Variants in CEP85L observed in about 807,000 individuals in gnomAD.
CEP85L encodes centrosomal protein of 85 kDa-like.
A neutral mutation model predicts 100.3 loss-of-function variants in CEP85L; 60 were observed. The ratio of observed to expected loss-of-function variants is 0.60; its 90% CI spans 0.49 to 0.74. CEP85L has a LOEUF of 0.74. Ranked by LOEUF, CEP85L falls within the 30% of genes least tolerant of loss-of-function variation. The probability of loss-of-function intolerance (pLI) is 0.00; values close to 1 mark genes in which losing one functional copy is unlikely to be tolerated. For missense variants in CEP85L, 973 were observed against 936.2 expected, an observed-to-expected ratio of 1.04 and a Z score of -0.51; for synonymous variants, 319 against 322.7, an observed-to-expected ratio of 0.99 and a Z score of 0.12.
intron 1 of CEP85L, among the ~76,000 whole-genome samples, chr6:118,699,768 C>T (rs1777350631): frequency 6.6e-6 from 1 of 152,130 alleles, no homozygotes; most frequent in Non-Finnish European, 1.5e-5. Flanking sequence ...GATCTCGGCC[C>T]AGTGCAACCT....
chr6:118,566,620 T>A (rs973844300), intron 2 of CEP85L, among the ~76,000 whole-genome samples: 2 of 152,282 alleles, frequency 1.3e-5, no homozygotes, highest in African/African-American at 2.4e-5. Context: ...GGCTTTGCCA[T>A]GTTGGGCAGG....
intron 2 of CEP85L, among the ~76,000 whole-genome samples, chr6:118,568,592 A>C (rs911036427): frequency 5.9e-5 from 9 of 152,368 alleles, no homozygotes; most frequent in African/African-American, 2.2e-4. Flanking sequence ...GCCTTCATTC[A>C]GCATGAAATG....
Position 118,461,764 on chromosome 6 carries a change from T to C in CEP85L, c.*3641A>G, listed in dbSNP as rs1250791474. 1 of 152,048 alleles carries C rather than the reference T, an allele frequency of 6.6e-6. No individual in the cohort carries two copies. Among genetic ancestry groups the C allele is most frequent in the Non-Finnish European group, 1.5e-5 (1 of 67,942 alleles). The allele number at this position is 152,048 out of a possible 1,614,324, so 9.4% of individuals were successfully genotyped here. A position where few individuals can be genotyped will look rare whatever the true frequency, so the allele number is the denominator to read the frequency against. Reference sequence around the variant, plus strand: ...GTTCCTGTTGTTTTGTGAACATGAATTGTCAAAAATGGAAACATGGCAGTT... The same window carrying C: ...GTTCCTGTTGTTTTGTGAACATGAACTGTCAAAAATGGAAACATGGCAGTT... On this transcript the variant is annotated 3_prime_UTR_variant, in exon 13 of 13. Transcript: ENST00000368491.
At chr6:118,705,756 G>A (rs113775547) in intron 1 of CEP85L, among the ~76,000 whole-genome samples, 2 of 152,210 alleles carry the variant, frequency 1.3e-5, no homozygotes, top group African/African-American at 4.8e-5. Context: ...GGGATTCCAA[G>A]TCTTCTGGCA....
intron 2 of CEP85L, among the ~76,000 whole-genome samples, chr6:118,626,760 C>T (rs1050399705): frequency 1.4e-4 from 22 of 152,188 alleles, no homozygotes; most frequent in African/African-American, 5.1e-4. Flanking sequence ...AGCCTCCACA[C>T]CAATTCTTTG....
At position 118,463,263 on chromosome 6, in the gene CEP85L, T is replaced by TA. The variant is rs1346926736; in HGVS notation, c.*2141dup. 1 of 151,438 alleles carries TA rather than the reference T, an allele frequency of 6.6e-6. No individual in the cohort carries two copies. The highest frequency in any genetic ancestry group is 2.4e-5 in the African/African-American group (1 of 41,168). 9.4% of individuals were successfully genotyped at this position (151,438 alleles called of 1,614,324 possible). A position where few individuals can be genotyped will look rare whatever the true frequency, so the allele number is the denominator to read the frequency against. On this transcript the variant is annotated 3_prime_UTR_variant, in exon 13 of 13. Coordinates refer to ENST00000368491, the MANE Select transcript of CEP85L (RefSeq NM_001042475.3). ...TAACGTCTGCTTAAAAAAAAAAAAATAAATAAACCCATAAAATCCCAAAAC... is the reference window on the plus strand; with the variant it reads ...TAACGTCTGCTTAAAAAAAAAAAAATAAAATAAACCCATAAAATCCCAAAAC...
At chr6:118,490,952 A>G (rs1774514444) in intron 6 of CEP85L, among the ~76,000 whole-genome samples, 2 of 151,920 alleles carry the variant, frequency 1.3e-5, no homozygotes, top group African/African-American at 4.8e-5. Flanking sequence ...GGCTGGTTCC[A>G]TATTTTTGCA....
intron 3 of CEP85L, among the ~76,000 whole-genome samples, chr6:118,555,572 G>A (rs1778812557): frequency 6.6e-6 from 1 of 151,626 alleles, no homozygotes; most frequent in South Asian, 2.1e-4. Context: ...AAGAACAAAA[G>A]AAAATCTATT....
intron 2 of CEP85L, among the ~76,000 whole-genome samples, chr6:118,594,532 T>C (rs1007928585): frequency 6.6e-6 from 1 of 152,086 alleles, no homozygotes; most frequent in African/African-American, 2.4e-5. Context: ...ATAAAATACA[T>C]AAGTACACTT....
At position 118,561,499 on chromosome 6, in the gene CEP85L, A is replaced by G. The variant is rs1378641351; in HGVS notation, c.1020+4030T>C. ...AATTATTCTTCATCATAAAGTGTAA[A>G]GAATAAGATATAAGAAAACAATTTA... On this transcript the variant is annotated intron_variant, in intron 3 of 12. Transcript: ENST00000368491. Among the ~76,000 whole-genome samples the G allele has an allele frequency of 8.5e-5, 13 of 152,146 alleles. 1 individual carries two copies. The highest frequency in any genetic ancestry group is 8.5e-4 in the Admixed American group (13 of 15,280).
intron 2 of CEP85L, among the ~76,000 whole-genome samples, chr6:118,621,341 G>A (rs1009727456): frequency 1.2e-4 from 18 of 152,108 alleles, no homozygotes; most frequent in African/African-American, 3.1e-4. Context: ...GAAGCAGAAC[G>A]GTTCACTGTT....
In CEP85L at chr6:118,483,755, T is replaced by A; in HGVS notation, c.1541A>T (p.Tyr514Phe). 6.2e-7 allele frequency: 1 copy of A among 1,613,936 alleles called. No individual in the cohort carries two copies. Among genetic ancestry groups the A allele is most frequent in the Non-Finnish European group, 8.5e-7 (1 of 1,179,884 alleles). ...KQRRIETLEK[Y>F]LADLPTLDDV... The stretch of plus-strand genomic sequence containing the variant: ...ATCTAGAGTTGGAAGATCAGCCAGA[T>A]ACTTTTCCAAGGTCTCAATTCTTCT... The change falls in exon 7 of 13, where the codon TAT (tyrosine) becomes TTT (phenylalanine). Residue 514 changes from tyrosine to phenylalanine, a missense_variant. Tyr to Phe is a conservative substitution (Grantham distance 22, BLOSUM62 3). Transcript: ENST00000368491.
chr6:118,551,331 C>CA (rs377690383), intron 3 of CEP85L, among the ~76,000 whole-genome samples: 6 of 149,634 alleles, frequency 4.0e-5, no homozygotes, highest in South Asian at 2.1e-4. Flanking sequence ...AACCCCCGCA[C>CA]AAAAAAAAAG....
intron 12 of CEP85L, among the ~76,000 whole-genome samples, chr6:118,466,431 A>G (rs1321172186): frequency 1.3e-5 from 2 of 152,168 alleles, no homozygotes; most frequent in East Asian, 3.8e-4. Flanking sequence ...TTTACATACA[A>G]TTTCATAAAC....
rs59278037 is a variant in CEP85L at position 118,600,300 on chromosome 6, G to GGTGTGTGTGTGTGT, written c.232+32139_232+32152dup. On this transcript the variant is annotated intron_variant, in intron 2 of 12. Coordinates refer to ENST00000368491, the MANE Select transcript of CEP85L (RefSeq NM_001042475.3). Reference sequence around the variant, plus strand: ...CTGCCTGTCCCTGAGCCTTCCTGGGGGTGTGTGTGTGTGTGTGTGTGTGTG... The same window carrying GGTGTGTGTGTGTGT: ...CTGCCTGTCCCTGAGCCTTCCTGGGGGTGTGTGTGTGTGTGTGTGTGTGTGTGTGTGTGTGTGTG... Among the ~76,000 whole-genome samples, 92 of 52,238 alleles carry GGTGTGTGTGTGTGT rather than the reference G, an allele frequency of 1.8e-3. 8 individuals are homozygous for GGTGTGTGTGTGTGT. Among genetic ancestry groups the GGTGTGTGTGTGTGT allele is most frequent in the East Asian group, 9.5e-3 (16 of 1,680 alleles). 34.3% of individuals were successfully genotyped at this position (52,238 alleles called of 152,430 possible). A position where few individuals can be genotyped will look rare whatever the true frequency, so the allele number is the denominator to read the frequency against.
intron 10 of CEP85L, among the ~76,000 whole-genome samples, chr6:118,478,606 G>C (rs1013891455): frequency 6.6e-6 from 1 of 152,028 alleles, no homozygotes; most frequent in Non-Finnish European, 1.5e-5. Flanking sequence ...ATAGTGTCTA[G>C]GCCCAAATAT....
chr6:118,645,809 C>T (rs1775144780), intron 1 of CEP85L, among the ~76,000 whole-genome samples: 1 of 152,196 alleles, frequency 6.6e-6, no homozygotes, highest in Admixed American at 6.5e-5. Flanking sequence ...GTCTAGCACA[C>T]CATATTTATT....
At chr6:118,665,065 G>A (rs9320664) in intron 1 of CEP85L, among the ~76,000 whole-genome samples, 8,593 of 152,226 alleles carry the variant, frequency 0.056, 288 homozygotes, top group South Asian at 0.1. Flanking sequence ...AGCCCATTTT[G>A]TTCCTTCAGG....
At chr6:118,690,017 A>T (rs888894279) in intron 1 of CEP85L, among the ~76,000 whole-genome samples, 3 of 151,622 alleles carry the variant, frequency 2.0e-5, no homozygotes, top group Non-Finnish European at 2.9e-5. Flanking sequence ...GTGTGCCAAA[A>T]TGCTGGATTA....
Sources: allele counts gnomAD v4.1 joint callset (sites outside exome capture counted in the v4.1 genomes callset), GRCh38; gene constraint gnomAD v4.1.1; transcripts MANE v1.5; gene names NCBI Gene and HGNC (gene_info 2026-07-23, HGNC 2026-07-21).